Variants in ZC3H3 observed in about 807,000 individuals in gnomAD.
ZC3H3 encodes the protein zinc finger CCCH-type containing 3, also known as zinc finger CCCH domain-containing protein 3.
A neutral mutation model predicts 77.3 loss-of-function variants in ZC3H3; 36 were observed. The ratio of observed to expected loss-of-function variants is 0.47; its 90% CI spans 0.36 to 0.61. ZC3H3 has a LOEUF of 0.61. ZC3H3 is among the 20% of genes least tolerant of loss of function. ZC3H3 has a pLI of 0.00. For missense variants in ZC3H3, 1,331 were observed against 1,312.2 expected, an observed-to-expected ratio of 1.01 and a Z score of -0.22; for synonymous variants, 626 against 555.2, an observed-to-expected ratio of 1.13 and a Z score of -1.79.
chr8:143,471,406 G>A (rs1429488464), intron 5 of ZC3H3, among the ~76,000 whole-genome samples: 4 of 152,240 alleles, frequency 2.6e-5, no homozygotes, highest in Non-Finnish European at 4.4e-5. Context: ...CGCAGAGGCC[G>A]GACGTGCCAG....
At chr8:143,537,224 G>A (rs544180825) in intron 2 of ZC3H3, among the ~76,000 whole-genome samples, 6 of 152,190 alleles carry the variant, frequency 3.9e-5, no homozygotes, top group African/African-American at 7.2e-5. Context: ...GGTGGAGGCC[G>A]GGAGAGATGT....
intron 8 of ZC3H3, among the ~76,000 whole-genome samples, chr8:143,467,462 C>T (rs769061861): frequency 6.2e-4 from 94 of 152,166 alleles, no homozygotes; most frequent in Non-Finnish European, 2.5e-4. Context: ...AACAGAGTTC[C>T]GAAGCTCTAT....
chr8:143,488,526 C>T (rs1171001857), intron 4 of ZC3H3, among the ~76,000 whole-genome samples: 1 of 147,820 alleles, frequency 6.8e-6, no homozygotes, highest in Admixed American at 6.6e-5. Flanking sequence ...GAAGCTCAGA[C>T]ACAGAACAGC....
chr8:143,517,038 CGCA>C (rs1423226245), intron 3 of ZC3H3, among the ~76,000 whole-genome samples: 14 of 152,150 alleles, frequency 9.2e-5, no homozygotes, highest in Admixed American at 8.5e-4. Flanking sequence ...CAGCTGGAGA[CGCA>C]GCACCACCGA....
intron 4 of ZC3H3, among the ~76,000 whole-genome samples, chr8:143,489,954 G>C (rs1244003532): frequency 6.6e-6 from 1 of 152,082 alleles, no homozygotes; most frequent in Non-Finnish European, 1.5e-5. Flanking sequence ...TCCCTGGGCC[G>C]GTCCCTGGGC....
In ZC3H3 at chr8:143,533,994, A is replaced by G. The variant is rs188650893; in HGVS notation, c.1561+2263T>C. ...CCCAGCCTCACGTTGGTCTTTAACT[A>G]TGAGTTTGGCTGGGCACAGTGGCTC... On this transcript the variant is annotated intron_variant, in intron 3 of 11. Coordinates refer to ENST00000262577, the MANE Select transcript of ZC3H3 (RefSeq NM_015117.3). The surrounding 1 kb of genome is among the most constrained non-coding windows in gnomAD (Gnocchi z 4.0). 3.3e-5 allele frequency among the ~76,000 whole-genome samples: 5 copies of G among 151,868 alleles called. No individual in the cohort carries two copies. In the East Asian group the frequency reaches 7.9e-4, roughly 24 times the overall value.
intron 4 of ZC3H3, among the ~76,000 whole-genome samples, chr8:143,504,697 G>C (rs1311939858): frequency 6.6e-6 from 1 of 152,172 alleles, no homozygotes; most frequent in Non-Finnish European, 1.5e-5. Context: ...ACCTTCATGT[G>C]CATCCTGGGG....
At chr8:143,468,931 T>C (rs1213555531) in intron 5 of ZC3H3, among the ~76,000 whole-genome samples, 1 of 152,186 alleles carries the variant, frequency 6.6e-6, no homozygotes, top group Non-Finnish European at 1.5e-5. Flanking sequence ...GCAGGGCTCC[T>C]GTCCCTGCCC....
intron 4 of ZC3H3, among the ~76,000 whole-genome samples, chr8:143,499,064 C>A (rs573968236): frequency 1.3e-5 from 2 of 152,120 alleles, no homozygotes; most frequent in Non-Finnish European, 2.9e-5. Context: ...GCCGAAACCA[C>A]GCAAGCCGCA....
intron 4 of ZC3H3, among the ~76,000 whole-genome samples, chr8:143,506,230 AG>A (rs1452918132): frequency 6.6e-6 from 1 of 152,222 alleles, no homozygotes; most frequent in Non-Finnish European, 1.5e-5. Flanking sequence ...GTCCGCCCTG[AG>A]GAAAATCATC....
chr8:143,494,552 G>C lies in ZC3H3; in HGVS notation c.1715+13194C>G, dbSNP rs531259424. On this transcript the variant is annotated intron_variant, in intron 4 of 11. Coordinates refer to ENST00000262577, the MANE Select transcript of ZC3H3 (RefSeq NM_015117.3). The surrounding 1 kb of genome is among the most constrained non-coding windows in gnomAD (Gnocchi z 5.3). Reference sequence around the variant, plus strand: ...GCAGGTCAGGGCCTCAGAGCACAGCGGCGCCGGCAGAACCCAGAGCGAGGG... The same window carrying C: ...GCAGGTCAGGGCCTCAGAGCACAGCCGCGCCGGCAGAACCCAGAGCGAGGG... 1.5e-3 allele frequency among the ~76,000 whole-genome samples: 230 copies of C among 152,302 alleles called. No individual in the cohort carries two copies. The highest frequency in any genetic ancestry group is 5.2e-3 in the African/African-American group (217 of 41,576).
chr8:143,501,335 T>G (rs995427530), intron 4 of ZC3H3, among the ~76,000 whole-genome samples: 1 of 152,092 alleles, frequency 6.6e-6, no homozygotes, highest in African/African-American at 2.4e-5. Context: ...TCCCAAGTAG[T>G]TGAACCCACA....
At chr8:143,509,310 G>A (rs1821802673) in intron 3 of ZC3H3, among the ~76,000 whole-genome samples, 1 of 152,256 alleles carries the variant, frequency 6.6e-6, no homozygotes. Context: ...AACGTAAGAA[G>A]TCCTTAAGTT....
intron 3 of ZC3H3, among the ~76,000 whole-genome samples, chr8:143,517,828 G>C (rs891108590): frequency 5.9e-5 from 9 of 152,146 alleles, no homozygotes; most frequent in Non-Finnish European, 1.5e-5. Context: ...CTCCCTCCCC[G>C]AATCTCCAGG....
In ZC3H3 at chr8:143,494,888, C is replaced by T. The variant is rs1019687718; in HGVS notation, c.1715+12858G>A. Among the ~76,000 whole-genome samples the T allele has an allele frequency of 5.9e-5, 9 of 152,172 alleles. No homozygotes were observed. Among genetic ancestry groups the T allele is most frequent in the African/African-American group, 2.2e-4 (9 of 41,424 alleles). On this transcript the variant is annotated intron_variant, in intron 4 of 11. Transcript: ENST00000262577. The surrounding 1 kb of genome is among the most constrained non-coding windows in gnomAD (Gnocchi z 5.3). ...GACCACCAGTGGCCTTACGTTAGCC[C>T]GAGCAGGTACTCAACATCACTGGAC... is the stretch of plus-strand genomic sequence containing the variant.
chr8:143,496,704 T>C (rs1156575597), intron 4 of ZC3H3, among the ~76,000 whole-genome samples: 1 of 151,948 alleles, frequency 6.6e-6, no homozygotes, highest in Non-Finnish European at 1.5e-5. Context: ...CCCTCAGTCC[T>C]CACACTTTTC....
At chr8:143,469,464 C>T (rs1473935788) in intron 5 of ZC3H3, among the ~76,000 whole-genome samples, 1 of 152,210 alleles carries the variant, frequency 6.6e-6, no homozygotes, top group Non-Finnish European at 1.5e-5. Flanking sequence ...CCTGGGCTGG[C>T]GCTGGCAGAT....
chr8:143,507,660 C>T, intron 4 of ZC3H3, 86 bp downstream of exon 4: 1 of 1,372,758 alleles, frequency 7.3e-7, no homozygotes, highest in Non-Finnish European at 9.4e-7. Flanking sequence ...CTCCCCCTGG[C>T]CCTTGGATTC....
At chr8:143,535,974 C>T (rs548639425) in intron 3 of ZC3H3, among the ~76,000 whole-genome samples, 5 of 152,324 alleles carry the variant, frequency 3.3e-5, no homozygotes, top group African/African-American at 9.6e-5. Flanking sequence ...AGCCGCCGCC[C>T]TCTCCTCCCT....
Sources: gnomAD v4.1 joint callset for allele counts (sites outside exome capture counted in the v4.1 genomes callset) on GRCh38, gnomAD v4.1.1 for gene constraint, Gnocchi (gnomAD v3.1) non-coding constraint, MANE v1.5 for transcripts, NCBI Gene and HGNC (gene_info 2026-07-23, HGNC 2026-07-21) for gene names.